ZNF266: variants seen among roughly 807,000 people sequenced by gnomAD.
ZNF266 encodes zinc finger protein 266.
ZNF266 carries 16 observed loss-of-function variants against 16.4 expected under a neutral mutation model. That is an observed-to-expected ratio of 0.98 (90% CI 0.66 to 1.48). The LOEUF (loss-of-function observed/expected upper bound fraction) is 1.48, where lower values mean the gene tolerates loss of function less well. Among genes scored for constraint, ZNF266 ranks in the 40% most tolerant of loss-of-function variants. The pLI is 0.00. For synonymous variants in ZNF266, 262 were observed against 237.9 expected (o/e 1.10, Z -0.93); for missense variants, 738 against 689.1 (o/e 1.07, Z -0.79).
At chr19:9,417,747 CAA>C (rs113205807) in intron 9 of ZNF266, 79 bp downstream of exon 9, 5,614 of 954,136 alleles carry the variant, frequency 5.9e-3, no homozygotes, top group South Asian at 9.1e-3. Flanking sequence ...GACTCCATCT[CAA>C]AAAAAAAAAA....
intron 10 of ZNF266, among the ~76,000 whole-genome samples, 193 bp from the exon 11 acceptor site, chr19:9,414,913 C>T (rs183292396): frequency 4.6e-5 from 7 of 152,336 alleles, no homozygotes; most frequent in Non-Finnish European, 1.0e-4. Context: ...GCCATCTACT[C>T]TAATCTCAAA....
chr19:9,415,669 G>A lies in ZNF266; in HGVS notation c.390C>T (p.Ser130=). Residue 130 remains serine (S), a synonymous_variant, in exon 10 of 11, where the codon TCC becomes TCT. Coordinates refer to ENST00000592904, the MANE Select transcript of ZNF266 (RefSeq NM_001370374.1). ...TTAATCTTACCATTTGAATCCCACT[G>A]GAGGTTGGCTCCCCCAAAACATCCT... is the stretch of plus-strand genomic sequence containing the variant. ...LQQDVLGEPT[S]SGIQMIGSHN... 1 of 1,612,216 alleles carries A rather than the reference G, an allele frequency of 6.2e-7. No homozygotes were observed. Among genetic ancestry groups the A allele is most frequent in the Non-Finnish European group, 8.5e-7 (1 of 1,178,638 alleles).
In ZNF266 at chr19:9,413,150, A is replaced by T; in HGVS notation, c.*125T>A. The T allele has an allele frequency of 5.8e-6, 7 of 1,216,966 alleles. No individual in the cohort carries two copies. The highest frequency in any genetic ancestry group is 8.0e-6 in the Non-Finnish European group (7 of 878,018). The allele number at this position is 1,216,966 out of a possible 1,614,324, so 75.4% of individuals were successfully genotyped here. On this transcript the variant is annotated 3_prime_UTR_variant, in exon 11 of 11. Coordinates refer to ENST00000592904, the MANE Select transcript of ZNF266 (RefSeq NM_001370374.1). ...GCAGGGTCTTCTCCACTGTGAATTC[A>T]TATGTGTTCATTAAGACCTGAGATA... is the stretch of plus-strand genomic sequence containing the variant.
chr19:9,431,921 T>C (rs1279405069), intron 5 of ZNF266, among the ~76,000 whole-genome samples: 1 of 152,158 alleles, frequency 6.6e-6, no homozygotes, highest in African/African-American at 2.4e-5. Flanking sequence ...ATGAAGAGAA[T>C]GCAGATGTAA....
chr19:9,426,936 C>A, intron 5 of ZNF266, among the ~76,000 whole-genome samples: 1 of 152,152 alleles, frequency 6.6e-6, no homozygotes, highest in East Asian at 1.9e-4. Flanking sequence ...AATATGCTAA[C>A]ATAATAAATA....
At chr19:9,433,010 C>T (rs959866044) in intron 5 of ZNF266, among the ~76,000 whole-genome samples, 2 of 152,092 alleles carry the variant, frequency 1.3e-5, no homozygotes, top group South Asian at 2.1e-4. Context: ...TGAAAATGGC[C>T]AGAGCCCATC....
At position 9,413,780 on chromosome 19, in the gene ZNF266, C is replaced by T. The variant is rs765830923; in HGVS notation, c.1346G>A (p.Cys449Tyr). The T allele has an allele frequency of 1.9e-6, 3 of 1,614,160 alleles. No individual in the cohort carries two copies. Among genetic ancestry groups the T allele is most frequent in the Non-Finnish European group, 2.5e-6 (3 of 1,180,046 alleles). Reference protein sequence around the residue: ...RTHSGERPYECKECGKAFARS... With the variant: ...RTHSGERPYEYKECGKAFARS... ...GGCAAAGGCCTTTCCACATTCCTTA[C>T]ATTCATAGGGCCTCTCTCCACTGTG... The change falls in exon 11 of 11, where the codon TGT becomes TAT. Residue 449 changes from cysteine (C) to tyrosine (Y), a missense_variant. Cys to Tyr is a radical substitution (Grantham distance 194, BLOSUM62 -2). Transcript: ENST00000592904.
intron 5 of ZNF266, among the ~76,000 whole-genome samples, chr19:9,424,441 C>A (rs143460801): frequency 6.6e-6 from 1 of 152,026 alleles, no homozygotes; most frequent in African/African-American, 2.4e-5. Context: ...TCTGGGCGAA[C>A]GAAGATTTGT....
Position 9,415,975 on chromosome 19 carries a change from C to T in ZNF266, c.317-233G>A, listed in dbSNP as rs1470617781. Among the ~76,000 whole-genome samples the T allele has an allele frequency of 2.6e-5, 4 of 152,042 alleles. No homozygotes were observed. The East Asian group carries it at 7.8e-4, about 30-fold the overall frequency. ...AGTAGCTGGGACTACAGGCACATGC[C>T]ACAACGCCCAGCTAATTTTTGTATT... On this transcript the variant is annotated intron_variant, in intron 9 of 10. Transcript: ENST00000592904.
intron 5 of ZNF266, among the ~76,000 whole-genome samples, chr19:9,430,955 C>T (rs774906397): frequency 3.7e-4 from 56 of 152,138 alleles, no homozygotes; most frequent in Non-Finnish European, 6.8e-4. Context: ...CCTCTTCTCG[C>T]GGATCTGTAA....
intron 5 of ZNF266, 180 bp from the exon 6 acceptor site, chr19:9,420,398 A>C (rs1374395716): frequency 1.3e-5 from 2 of 152,226 alleles, no homozygotes; most frequent in African/African-American, 4.8e-5. Context: ...TAGCAGCTTT[A>C]TATACTCGCT....
At chr19:9,426,829 A>G (rs2070818192) in intron 5 of ZNF266, among the ~76,000 whole-genome samples, 1 of 152,176 alleles carries the variant, frequency 6.6e-6, no homozygotes, top group African/African-American at 2.4e-5. Context: ...TAAATACAGG[A>G]GAAAAAAAAT....
Position 9,418,622 on chromosome 19 carries a change from T to C in ZNF266, c.118A>G (p.Thr40Ala). Reference protein sequence around the residue: ...CLTNCYQDSVTFDDLAVDFTP... With the variant: ...CLTNCYQDSVAFDDLAVDFTP... ...AAGTCCACAGCCAGATCATCAAAAG[T>C]CACTGAATCCTAAACCATCACACAC... Residue 40 changes from threonine to alanine, a missense_variant, in exon 8 of 11, where the codon ACT (threonine) becomes GCT (alanine). By Grantham distance (58) the Thr-to-Ala change is moderately conservative. Transcript: ENST00000592904. The C allele has an allele frequency of 6.9e-7, 1 of 1,449,350 alleles. No homozygotes were observed. The highest frequency in any genetic ancestry group is 1.7e-4 in the Middle Eastern group (1 of 5,734). The allele number at this position is 1,449,350 out of a possible 1,614,324, so 89.8% of individuals were successfully genotyped here. A position where few individuals can be genotyped will look rare whatever the true frequency, so the allele number is the denominator to read the frequency against.
intron 5 of ZNF266, among the ~76,000 whole-genome samples, chr19:9,427,679 T>A (rs2070959679): frequency 6.6e-6 from 1 of 152,132 alleles, no homozygotes; most frequent in Non-Finnish European, 1.5e-5. Context: ...AGCTGCAGCT[T>A]GCCTCTCCCT....
chr19:9,417,939 G>T (rs971663054), intron 8 of ZNF266, 31 bp from the exon 9 acceptor site: 12 of 1,595,340 alleles, frequency 7.5e-6, no homozygotes, highest in Non-Finnish European at 1.0e-5. Flanking sequence ...ATTACCAGAA[G>T]AGGCTCATGC....
chr19:9,420,279 C>T (rs1009047111), intron 5 of ZNF266, 61 bp from the exon 6 acceptor site: 1 of 152,208 alleles, frequency 6.6e-6, no homozygotes, highest in Non-Finnish European at 1.5e-5. Flanking sequence ...ATCATTAGCA[C>T]TCTCTCTGCA....
At chr19:9,424,893 T>G (rs2070502645) in intron 5 of ZNF266, among the ~76,000 whole-genome samples, 1 of 152,200 alleles carries the variant, frequency 6.6e-6, no homozygotes, top group Non-Finnish European at 1.5e-5. Context: ...ATAGACTTGT[T>G]TAATTATTCC....
Position 9,427,982 on chromosome 19 carries a change from C to T in ZNF266, c.-130+5686G>A, listed in dbSNP as rs201596591. Among the ~76,000 whole-genome samples the T allele has an allele frequency of 3.8e-4, 39 of 101,766 alleles. 1 individual carries two copies. The highest frequency in any genetic ancestry group is 1.2e-3 in the African/African-American group (31 of 26,366). The allele number at this position is 101,766 out of a possible 152,430, so 66.8% of individuals were successfully genotyped here. A position where few individuals can be genotyped will look rare whatever the true frequency, so the allele number is the denominator to read the frequency against. ...TGCCTCGAAGAAAAAAAAAAGAAAA[C>T]GGGGGGAAAAATCAACTTCCTAAAA... On this transcript the variant is annotated intron_variant, in intron 5 of 10. Coordinates refer to ENST00000592904, the MANE Select transcript of ZNF266 (RefSeq NM_001370374.1).
intron 9 of ZNF266, among the ~76,000 whole-genome samples, chr19:9,416,530 A>G (rs1024269652): frequency 3.3e-5 from 5 of 150,544 alleles, no homozygotes; most frequent in African/African-American, 1.2e-4. Context: ...AGCCCAGCTA[A>G]TTTTTGCATT....
Sources: gnomAD v4.1 joint callset for allele counts (sites outside exome capture counted in the v4.1 genomes callset) on GRCh38, gnomAD v4.1.1 for gene constraint, MANE v1.5 for transcripts, NCBI Gene and HGNC (gene_info 2026-07-23, HGNC 2026-07-21) for gene names.